Variants in ANK1 observed in about 807,000 individuals in gnomAD.
ANK1 encodes ankyrin 1.
A neutral mutation model predicts 210.4 loss-of-function variants in ANK1; 51 were observed. The ratio of observed to expected loss-of-function variants is 0.24; its 90% CI spans 0.19 to 0.31. The LOEUF (loss-of-function observed/expected upper bound fraction) is 0.31. Among genes scored for constraint, ANK1 ranks in the 10% least tolerant of loss-of-function variants. The probability of loss-of-function intolerance (pLI) is 1.00; values close to 1 mark genes in which losing one functional copy is unlikely to be tolerated. For synonymous variants in ANK1, 967 were observed against 1,025.9 expected, an observed-to-expected ratio of 0.94 and a Z score of 1.10; for missense variants, 2,051 against 2,504.4, an observed-to-expected ratio of 0.82 and a Z score of 3.86.
intron 26 of ANK1, among the ~76,000 whole-genome samples, chr8:41,695,782 G>A (rs780344118): frequency 5.3e-5 from 8 of 152,246 alleles, no homozygotes; most frequent in East Asian, 3.8e-4. Context: ...CCAGGAGGGC[G>A]GACAGAGGTA....
At chr8:41,805,157 TTCTC>T (rs200054677) in intron 1 of ANK1, among the ~76,000 whole-genome samples, 17 of 146,150 alleles carry the variant, frequency 1.2e-4, no homozygotes, top group African/African-American at 2.2e-4. Context: ...ATAGAGCTCT[TTCTC>T]TCTCTCTCTT....
chr8:41,751,056 G>C (rs1186047674), intron 2 of ANK1, among the ~76,000 whole-genome samples: 1 of 152,156 alleles, frequency 6.6e-6, no homozygotes, highest in Non-Finnish European at 1.5e-5. Flanking sequence ...GGGGACACAG[G>C]CCGGCACTGC....
intron 1 of ANK1, among the ~76,000 whole-genome samples, chr8:41,878,604 T>A (rs1255386666): frequency 6.6e-6 from 1 of 152,232 alleles, no homozygotes; most frequent in East Asian, 1.9e-4. Flanking sequence ...TTAATTTGCA[T>A]GGCCCAGGAC....
chr8:41,785,715 C>T (rs1846209683), intron 1 of ANK1, among the ~76,000 whole-genome samples: 3 of 152,208 alleles, frequency 2.0e-5, no homozygotes, highest in Non-Finnish European at 4.4e-5. Flanking sequence ...TGGGCCTTCC[C>T]GCAGGAGTTG....
chr8:41,695,955 T>C (rs1227305496), intron 26 of ANK1, among the ~76,000 whole-genome samples: 1 of 152,096 alleles, frequency 6.6e-6, no homozygotes, highest in Non-Finnish European at 1.5e-5. Flanking sequence ...AGGGAGGCCG[T>C]CTTACTGGGA....
At chr8:41,857,123 G>A (rs988925036) in intron 1 of ANK1, among the ~76,000 whole-genome samples, 6 of 150,796 alleles carry the variant, frequency 4.0e-5, no homozygotes, top group Non-Finnish European at 8.8e-5. Context: ...AAAATGATTC[G>A]CTGGCCTCAG....
intron 42 of ANK1, among the ~76,000 whole-genome samples, chr8:41,660,126 T>C (rs1807423028): frequency 6.6e-6 from 1 of 152,072 alleles, no homozygotes; most frequent in African/African-American, 2.4e-5. Context: ...AGCAGCCTAG[T>C]GGGACCCCTG....
chr8:41,673,985 C>T (rs977960789), intron 37 of ANK1, among the ~76,000 whole-genome samples: 1 of 152,180 alleles, frequency 6.6e-6, no homozygotes. Context: ...TGTCCAGACA[C>T]CCCCAGCCTA....
At chr8:41,768,789 C>T (rs1311309969) in intron 1 of ANK1, among the ~76,000 whole-genome samples, 1 of 125,940 alleles carries the variant, frequency 7.9e-6, no homozygotes, top group African/African-American at 3.0e-5. Context: ...TAGTGAGACC[C>T]CCTGTCTCCA....
upstream of ANK1, among the ~76,000 whole-genome samples, chr8:41,799,210 G>A (rs1053073844): frequency 6.6e-6 from 1 of 152,108 alleles, no homozygotes; most frequent in African/African-American, 2.4e-5. Context: ...GAGCCAGAAA[G>A]CTAAAAAATG....
intron 10 of ANK1, among the ~76,000 whole-genome samples, chr8:41,718,726 G>A (rs1451125023): frequency 6.6e-6 from 1 of 152,178 alleles, no homozygotes; most frequent in Non-Finnish European, 1.5e-5. Context: ...CACGGGAGGT[G>A]GTGGTGGGGG....
intron 31 of ANK1, among the ~76,000 whole-genome samples, chr8:41,691,879 A>G (rs1819360196): frequency 6.6e-6 from 1 of 152,222 alleles, no homozygotes; most frequent in Admixed American, 6.5e-5. Context: ...TTTAATAGAG[A>G]TGGTGTCTCA....
intron 1 of ANK1, among the ~76,000 whole-genome samples, chr8:41,784,114 G>GCCAAGATT: frequency 1.3e-5 from 2 of 150,330 alleles, no homozygotes; most frequent in African/African-American, 4.9e-5. Context: ...CAGTGTTTAA[G>GCCAAGATT]CCAAGATTCC....
At position 41,723,101 on chromosome 8, in the gene ANK1, G is replaced by A. The variant is rs376868940; in HGVS notation, c.909+24C>T. 93 of 1,609,292 alleles carry A rather than the reference G, an allele frequency of 5.8e-5. 1 individual carries two copies. In the Middle Eastern group the frequency reaches 1.5e-3, roughly 26 times the overall value. ...ACCTGGAGCCCTGTCTAGAAAATGCGCCTGACAGGAAGGAAGTACACACCT... is the reference window on the plus strand; with the variant it reads ...ACCTGGAGCCCTGTCTAGAAAATGCACCTGACAGGAAGGAAGTACACACCT... On this transcript the variant is annotated intron_variant, in intron 9 of 42. Transcript: ENST00000289734.
chr8:41,768,877 A>G (rs1419937356), intron 1 of ANK1, among the ~76,000 whole-genome samples: 2 of 152,086 alleles, frequency 1.3e-5, no homozygotes, highest in African/African-American at 4.8e-5. Flanking sequence ...AGGCTGTGAC[A>G]GGAGGATCAC....
chr8:41,778,981 T>C (rs986286424), intron 1 of ANK1, among the ~76,000 whole-genome samples: 1 of 152,046 alleles, frequency 6.6e-6, no homozygotes, highest in Non-Finnish European at 1.5e-5. Context: ...TGGTGAGTGC[T>C]AAGAGGAAAA....
At chr8:41,757,765 C>A (rs898467193) in intron 2 of ANK1, among the ~76,000 whole-genome samples, 1 of 152,204 alleles carries the variant, frequency 6.6e-6, no homozygotes, top group Non-Finnish European at 1.5e-5. Context: ...AAGACAACAG[C>A]GGGAATCAAT....
In ANK1 at chr8:41,653,861, G is replaced by T. The variant is rs1344359083; in HGVS notation, c.*1929C>A. The T allele has an allele frequency of 2.6e-5, 4 of 152,188 alleles. No homozygotes were observed. The highest frequency in any genetic ancestry group is 9.6e-5 in the African/African-American group (4 of 41,458). 9.4% of individuals were successfully genotyped at this position (152,188 alleles called of 1,614,324 possible). A position where few individuals can be genotyped will look rare whatever the true frequency, so the allele number is the denominator to read the frequency against. ...CCCGGAGCTAGAGCTTCCTCTCCCT[G>T]CCCGCCCCTCTAAAGGAAGCAAAAG... On this transcript the variant is annotated 3_prime_UTR_variant, in exon 43 of 43. Transcript: ENST00000289734.
chr8:41,687,415 A>G (rs1817985234), intron 35 of ANK1, among the ~76,000 whole-genome samples: 1 of 152,182 alleles, frequency 6.6e-6, no homozygotes, highest in Non-Finnish European at 1.5e-5. Context: ...TGGTTTTCAG[A>G]TTCCCAATTC....
Sources: gnomAD v4.1 joint callset for allele counts (sites outside exome capture counted in the v4.1 genomes callset) on GRCh38, gnomAD v4.1.1 for gene constraint, MANE v1.5 for transcripts, NCBI Gene and HGNC (gene_info 2026-07-23, HGNC 2026-07-21) for gene names.